Variants in ARHGAP24 observed in about 807,000 individuals in gnomAD.
The protein encoded by ARHGAP24 is rho GTPase-activating protein 24.
A neutral mutation model predicts 76.4 loss-of-function variants in ARHGAP24; 50 were observed. That is an observed-to-expected ratio of 0.65 (90% CI 0.52 to 0.83). The LOEUF (loss-of-function observed/expected upper bound fraction) is 0.83, where lower values mean the gene tolerates loss of function less well. ARHGAP24 is among the 40% of genes least tolerant of loss of function. The pLI, the probability that ARHGAP24 is intolerant of heterozygous loss-of-function variation, is 0.00. For synonymous variants in ARHGAP24, 345 were observed against 323.3 expected (o/e 1.07, Z -0.72); for missense variants, 930 against 914.2 (o/e 1.02, Z -0.22).
Position 85,972,148 on chromosome 4 carries a change from C to G in ARHGAP24, c.712C>G (p.Leu238Val), listed in dbSNP as rs777153210. The change falls in exon 6 of 10, where the codon CTC becomes GTC. Residue 238 changes from leucine (L) to valine (V), a missense_variant. Coordinates refer to ENST00000395184, the MANE Select transcript of ARHGAP24 (RefSeq NM_001025616.3). ...YEDFLSCAKLLSKEEEAGVKE... is the reference protein window; with the variant it reads ...YEDFLSCAKLVSKEEEAGVKE... ...AGATTTTTTGTCATGTGCCAAACTG[C>G]TCAGCAAGGAAGAGGAAGCAGTAAG... 3 of 1,613,702 alleles carry G rather than the reference C, an allele frequency of 1.9e-6. No individual in the cohort carries two copies. The highest frequency in any genetic ancestry group is 2.2e-5 in the South Asian group (2 of 91,056).
chr4:85,815,615 T>C (rs1729203509), intron 3 of ARHGAP24, among the ~76,000 whole-genome samples: 1 of 152,372 alleles, frequency 6.6e-6, no homozygotes. Flanking sequence ...ATTGTCCATA[T>C]GGCTATCAGA....
chr4:85,624,394 A>T, intron 2 of ARHGAP24, among the ~76,000 whole-genome samples: 1 of 151,990 alleles, frequency 6.6e-6, no homozygotes, highest in Non-Finnish European at 1.5e-5. Flanking sequence ...ACATTTATTG[A>T]TTTGTGTATG....
chr4:85,984,407 A>T (rs1739862420), intron 8 of ARHGAP24, among the ~76,000 whole-genome samples: 2 of 152,196 alleles, frequency 1.3e-5, no homozygotes, highest in African/African-American at 4.8e-5. Flanking sequence ...GTTCACATAC[A>T]GCTGTTTACT....
chr4:85,690,761 T>TTG (rs1395085978), intron 2 of ARHGAP24, among the ~76,000 whole-genome samples: 4 of 151,288 alleles, frequency 2.6e-5, no homozygotes, highest in Admixed American at 6.6e-5. Context: ...CAATCTTGTT[T>TTG]TTTTTTTTTT....
At chr4:85,542,524 A>G (rs1272780877) in intron 1 of ARHGAP24, among the ~76,000 whole-genome samples, 1 of 152,210 alleles carries the variant, frequency 6.6e-6, no homozygotes, top group Non-Finnish European at 1.5e-5. Flanking sequence ...AGTTTGACTA[A>G]TCAGAATGCA....
intron 2 of ARHGAP24, among the ~76,000 whole-genome samples, chr4:85,582,032 T>C (rs958872852): frequency 1.3e-5 from 2 of 152,166 alleles, no homozygotes; most frequent in Non-Finnish European, 2.9e-5. Flanking sequence ...AAGTTCCTGC[T>C]TTTTAAAAAT....
At chr4:85,554,612 AGT>A (rs1351001428) in intron 1 of ARHGAP24, among the ~76,000 whole-genome samples, 2 of 151,910 alleles carry the variant, frequency 1.3e-5, no homozygotes, top group Non-Finnish European at 2.9e-5. Context: ...AAATTATTGT[AGT>A]GTGTTTTTCA....
chr4:85,546,103 C>A (rs115596340), intron 1 of ARHGAP24, among the ~76,000 whole-genome samples: 12 of 152,206 alleles, frequency 7.9e-5, no homozygotes, highest in Non-Finnish European at 1.3e-4. Flanking sequence ...ATAGTACATA[C>A]TTCATAGGGT....
intron 2 of ARHGAP24, among the ~76,000 whole-genome samples, chr4:85,668,048 G>A (rs973688243): frequency 1.3e-5 from 2 of 152,148 alleles, no homozygotes; most frequent in Non-Finnish European, 2.9e-5. Flanking sequence ...ACATTTCAAG[G>A]CTTATTTAAA....
intron 3 of ARHGAP24, among the ~76,000 whole-genome samples, chr4:85,921,708 C>A (rs766173115): frequency 6.6e-6 from 1 of 152,090 alleles, no homozygotes; most frequent in African/African-American, 2.4e-5. Flanking sequence ...ACCCCTGGGC[C>A]CCACAGTAGG....
At chr4:85,496,736 C>T (rs1260677280) in intron 1 of ARHGAP24, among the ~76,000 whole-genome samples, 3 of 152,216 alleles carry the variant, frequency 2.0e-5, no homozygotes, top group Non-Finnish European at 2.9e-5. Flanking sequence ...GTTTGCACCA[C>T]ATTTTCACAC....
chr4:85,666,657 G>A (rs1030595586), intron 2 of ARHGAP24, among the ~76,000 whole-genome samples: 2 of 152,154 alleles, frequency 1.3e-5, no homozygotes, highest in Non-Finnish European at 2.9e-5. Context: ...TGATGGTGAT[G>A]TACAGATGGG....
intron 1 of ARHGAP24, among the ~76,000 whole-genome samples, chr4:85,518,982 A>G (rs1281603067): frequency 6.6e-6 from 1 of 152,184 alleles, no homozygotes; most frequent in Non-Finnish European, 1.5e-5. Context: ...CATTCCCACC[A>G]GCAGTGTAGA....
chr4:85,726,204 G>A (rs1368400436), intron 3 of ARHGAP24, among the ~76,000 whole-genome samples: 2 of 151,634 alleles, frequency 1.3e-5, no homozygotes, highest in African/African-American at 2.4e-5. Context: ...GGTCTTTTCA[G>A]CTTAGAATGT....
At chr4:85,839,753 A>G (rs923855063) in intron 3 of ARHGAP24, among the ~76,000 whole-genome samples, 3 of 151,848 alleles carry the variant, frequency 2.0e-5, no homozygotes, top group Middle Eastern at 3.4e-3. Context: ...TAAGAATAAA[A>G]TAATTTCACT....
At chr4:85,923,856 C>G (rs780562889) in intron 4 of ARHGAP24, 86 bp downstream of exon 4, 1 of 1,574,058 alleles carries the variant, frequency 6.4e-7, no homozygotes, top group Non-Finnish European at 8.7e-7. Flanking sequence ...ACTATTAGCT[C>G]CTGTATTCAA....
chr4:85,734,887 CATTTT>C (rs957937500), intron 3 of ARHGAP24, among the ~76,000 whole-genome samples: 6 of 151,984 alleles, frequency 3.9e-5, no homozygotes, highest in Admixed American at 6.6e-5. Flanking sequence ...GTTTATTTTG[CATTTT>C]ATTTTCGATC....
chr4:85,815,401 A>C (rs1729194797), intron 3 of ARHGAP24, among the ~76,000 whole-genome samples: 2 of 152,150 alleles, frequency 1.3e-5, no homozygotes, highest in African/African-American at 4.8e-5. Flanking sequence ...ACAACACCCA[A>C]GTCACCTCTT....
chr4:85,835,510 C>T (rs1439102393), intron 3 of ARHGAP24, among the ~76,000 whole-genome samples: 2 of 142,982 alleles, frequency 1.4e-5, no homozygotes, highest in Non-Finnish European at 1.5e-5. Flanking sequence ...GGGCCGAGAT[C>T]GCGCCACTGC....
Sources: gnomAD v4.1 joint callset for allele counts (sites outside exome capture counted in the v4.1 genomes callset) on GRCh38, gnomAD v4.1.1 for gene constraint, MANE v1.5 for transcripts, NCBI Gene and HGNC (gene_info 2026-07-23, HGNC 2026-07-21) for gene names.